The following SLC8A1 variants were observed in gnomAD, a reference collection of about 807,000 sequenced individuals.
SLC8A1 encodes the protein solute carrier family 8 member A1.
SLC8A1 carries 18 observed loss-of-function variants against 68.3 expected under a neutral mutation model. The ratio of observed to expected loss-of-function variants is 0.26; its 90% CI spans 0.18 to 0.39. The LOEUF is 0.39. Among genes scored for constraint, SLC8A1 ranks in the 10% least tolerant of loss-of-function variants. The pLI is 1.00. For synonymous variants in SLC8A1, 475 were observed against 415.5 expected (o/e 1.14, Z -1.74); for missense variants, 985 against 1,156.7 (o/e 0.85, Z 2.15).
At chr2:40,222,107 T>G (rs1332451038) in intron 2 of SLC8A1, among the ~76,000 whole-genome samples, 1 of 152,158 alleles carries the variant, frequency 6.6e-6, no homozygotes, top group African/African-American at 2.4e-5. Flanking sequence ...TCACACTACC[T>G]GATTTCAAAC....
intron 1 of SLC8A1, among the ~76,000 whole-genome samples, chr2:40,493,402 C>T (rs539165697): frequency 9.9e-5 from 15 of 151,186 alleles, no homozygotes; most frequent in Non-Finnish European, 1.8e-4. Context: ...TGCTAAATGA[C>T]GAGTTAGTGT....
At chr2:40,274,501 T>G (rs1047912910) in intron 2 of SLC8A1, among the ~76,000 whole-genome samples, 18 of 152,170 alleles carry the variant, frequency 1.2e-4, no homozygotes, top group African/African-American at 3.6e-4. Flanking sequence ...GTGTGTAGGA[T>G]GGGGATCTGC....
rs755520009 is a variant in SLC8A1 at position 40,174,832 on chromosome 2, T to A, written c.1923A>T (p.Thr641=). Residue 641 remains threonine, a synonymous_variant, in exon 4 of 8, where the codon ACA becomes ACT. Transcript: ENST00000406785. The stretch of plus-strand genomic sequence containing the variant: ...GACTTGAAAAATTCATACCTGTTAT[T>A]GTGAAGCCACCTAAAAAAGAAAAAA... 1.9e-6 allele frequency: 3 copies of A among 1,609,972 alleles called. No individual in the cohort carries two copies. The South Asian group carries it at 3.3e-5, about 18-fold the overall frequency.
At chr2:40,189,000 A>C (rs1293363664) in intron 2 of SLC8A1, among the ~76,000 whole-genome samples, 1 of 152,188 alleles carries the variant, frequency 6.6e-6, no homozygotes, top group Non-Finnish European at 1.5e-5. Flanking sequence ...TTAGATTAGG[A>C]GACAAGAGAA....
At chr2:40,421,123 A>G (rs572382426) in intron 2 of SLC8A1, among the ~76,000 whole-genome samples, 5 of 151,972 alleles carry the variant, frequency 3.3e-5, no homozygotes, top group Non-Finnish European at 2.9e-5. Context: ...ATCATCTCCA[A>G]CACTATCACC....
intron 2 of SLC8A1, among the ~76,000 whole-genome samples, chr2:40,223,307 G>C (rs564522421): frequency 2.6e-5 from 4 of 152,092 alleles, no homozygotes; most frequent in Non-Finnish European, 4.4e-5. Flanking sequence ...ATAAGTGGGA[G>C]TTGAACAATG....
chr2:40,406,566 T>C (rs575731182), intron 2 of SLC8A1, among the ~76,000 whole-genome samples: 16 of 152,264 alleles, frequency 1.1e-4, no homozygotes, highest in African/African-American at 3.9e-4. Context: ...AGGTGAAGGC[T>C]AAGGGCAGAC....
At chr2:40,441,550 A>G (rs928286650) in intron 1 of SLC8A1, among the ~76,000 whole-genome samples, 1 of 151,734 alleles carries the variant, frequency 6.6e-6, no homozygotes, top group African/African-American at 2.4e-5. Flanking sequence ...ACAGTACGGT[A>G]CGGGTACCAA....
intron 2 of SLC8A1, among the ~76,000 whole-genome samples, chr2:40,312,247 T>C (rs1289300783): frequency 1.3e-5 from 2 of 152,168 alleles, no homozygotes; most frequent in Admixed American, 6.6e-5. Context: ...TAATGGACTT[T>C]GAATCACCTT....
chr2:40,449,334 G>T (rs757807372), intron 1 of SLC8A1, among the ~76,000 whole-genome samples: 1 of 152,086 alleles, frequency 6.6e-6, no homozygotes, highest in African/African-American at 2.4e-5. Context: ...TTTTGTCAAA[G>T]AAATAGATTG....
chr2:40,148,521 C>T lies in SLC8A1; in HGVS notation c.2162-8845G>A, dbSNP rs957144614. 3.9e-5 allele frequency among the ~76,000 whole-genome samples: 6 copies of T among 152,268 alleles called. No homozygotes were observed. The East Asian group carries it at 9.7e-4, about 25-fold the overall frequency. ...AGTCTAATGATGGCCTCGGTTTGCACAATACAAAGTGATGGCAGTTGCTCA... is the reference window on the plus strand; with the variant it reads ...AGTCTAATGATGGCCTCGGTTTGCATAATACAAAGTGATGGCAGTTGCTCA... On this transcript the variant is annotated intron_variant, in intron 6 of 7. Coordinates refer to ENST00000406785, the Ensembl canonical transcript of SLC8A1.
At chr2:40,387,481 A>G (rs1683926262) in intron 2 of SLC8A1, among the ~76,000 whole-genome samples, 3 of 151,542 alleles carry the variant, frequency 2.0e-5, no homozygotes, top group South Asian at 4.1e-4. Flanking sequence ...GATACAAAAC[A>G]TCGCAGACAA....
At chr2:40,371,742 A>G (rs987066103) in intron 2 of SLC8A1, among the ~76,000 whole-genome samples, 41 of 152,058 alleles carry the variant, frequency 2.7e-4, no homozygotes, top group African/African-American at 9.7e-4. Flanking sequence ...GGATGTGCAA[A>G]ATTGTCTCCC....
chr2:40,303,651 G>A (rs951074960), intron 2 of SLC8A1, among the ~76,000 whole-genome samples: 4 of 152,102 alleles, frequency 2.6e-5, no homozygotes, highest in African/African-American at 7.2e-5. Context: ...GTTATAAGCC[G>A]AAATAAAGTT....
chr2:40,351,710 G>A (rs1435273783), intron 2 of SLC8A1, among the ~76,000 whole-genome samples: 1 of 152,144 alleles, frequency 6.6e-6, no homozygotes, highest in Non-Finnish European at 1.5e-5. Context: ...TTGAAGAAAG[G>A]CAGTGATAGG....
intron 2 of SLC8A1, among the ~76,000 whole-genome samples, chr2:40,418,078 T>C (rs1441865820): frequency 6.6e-6 from 1 of 152,166 alleles, no homozygotes; most frequent in Non-Finnish European, 1.5e-5. Context: ...AGTCATGAAA[T>C]ATTGAGAAAG....
intron 2 of SLC8A1, among the ~76,000 whole-genome samples, chr2:40,413,847 C>T (rs1692979723): frequency 2.0e-5 from 3 of 152,122 alleles, no homozygotes; most frequent in African/African-American, 7.2e-5. Context: ...GAAAAAGAAG[C>T]ATTATGTTTT....
chr2:40,177,000 C>G (rs1027203075), intron 3 of SLC8A1, among the ~76,000 whole-genome samples: 1 of 152,028 alleles, frequency 6.6e-6, no homozygotes, highest in Non-Finnish European at 1.5e-5. Flanking sequence ...TATTAATAAT[C>G]AGCAAAATCG....
At chr2:40,301,247 T>A (rs975108415) in intron 2 of SLC8A1, among the ~76,000 whole-genome samples, 7 of 152,210 alleles carry the variant, frequency 4.6e-5, no homozygotes, top group Non-Finnish European at 8.8e-5. Flanking sequence ...AAAACAACAC[T>A]ATAAACTGGA....
Sources: allele counts gnomAD v4.1 joint callset (sites outside exome capture counted in the v4.1 genomes callset), GRCh38; gene constraint gnomAD v4.1.1; transcripts MANE v1.5; gene names NCBI Gene and HGNC (gene_info 2026-07-23, HGNC 2026-07-21).